The following ALG13 variants were observed in gnomAD, a reference collection of about 807,000 sequenced individuals.
ALG13 encodes the protein ALG13 UDP-N-acetylglucosaminyltransferase subunit.
In ALG13, 11 loss-of-function variants were observed where a neutral mutation model predicts 87.8. The observed-to-expected ratio is 0.13, with a 90% CI of 0.08 to 0.21. The LOEUF is 0.21. Ranked by LOEUF, ALG13 falls within the 10% of genes least tolerant of loss-of-function variation. The pLI, the probability that ALG13 is intolerant of heterozygous loss-of-function variation, is 1.00. For missense variants in ALG13, 756 were observed against 866.1 expected (o/e 0.87, Z 1.60); for synonymous variants, 320 against 306.3 (o/e 1.04, Z -0.47).
At chrX:111,725,083 A>G in intron 15 of ALG13, 22 bp downstream of exon 15, 3 of 1,205,858 alleles carry the variant, frequency 2.5e-6, no homozygotes, top group Non-Finnish European at 3.4e-6. Context: ...AAAGGTTGTT[A>G]TTTTGTTTTT....
At chrX:111,696,873 C>T (rs1468399828) in intron 3 of ALG13, among the ~76,000 whole-genome samples, 1 of 109,895 alleles carries the variant, frequency 9.1e-6, no homozygotes, top group African/African-American at 3.3e-5. Context: ...TTCCATTATA[C>T]TTAGATGTCA....
At chrX:111,751,478 T>C (rs760437692) in intron 24 of ALG13, among the ~76,000 whole-genome samples, 1 of 112,061 alleles carries the variant, frequency 8.9e-6, no homozygotes, top group East Asian at 2.8e-4. Flanking sequence ...AGCCATGATA[T>C]CTCCAAAGTA....
At chrX:111,716,095 A>G (rs1352168075) in intron 8 of ALG13, among the ~76,000 whole-genome samples, 2 of 112,294 alleles carry the variant, frequency 1.8e-5, no homozygotes, top group African/African-American at 6.5e-5. Flanking sequence ...ACTATTAAGT[A>G]TTGGTGAGTA....
intron 19 of ALG13, among the ~76,000 whole-genome samples, chrX:111,729,869 G>A (rs1207250301): frequency 9.0e-6 from 1 of 111,674 alleles, no homozygotes. Context: ...AGGAAACAGT[G>A]GATTATACTC....
At chrX:111,734,759 A>C (rs1339480354) in intron 21 of ALG13, among the ~76,000 whole-genome samples, 1 of 111,304 alleles carries the variant, frequency 9.0e-6, no homozygotes, top group Admixed American at 9.6e-5. Context: ...TGGTGCTTCA[A>C]GCTTTTAAGG....
intron 3 of ALG13, among the ~76,000 whole-genome samples, chrX:111,702,883 G>C (rs1327202766): frequency 9.2e-6 from 1 of 108,652 alleles, no homozygotes; most frequent in African/African-American, 3.4e-5. Context: ...TCTTTCATTT[G>C]ATAGCTTGCA....
chrX:111,708,750 TAAG>T (rs1939212159), intron 4 of ALG13, among the ~76,000 whole-genome samples: 1 of 111,766 alleles, frequency 8.9e-6, no homozygotes, highest in Non-Finnish European at 1.9e-5. Flanking sequence ...GCTGTGCACA[TAAG>T]GAGTAGAAAA....
intron 11 of ALG13, among the ~76,000 whole-genome samples, chrX:111,720,666 C>G (rs1479287028): frequency 6.3e-5 from 7 of 110,980 alleles, no homozygotes; most frequent in Non-Finnish European, 9.5e-5. Flanking sequence ...ACCTGAGGTG[C>G]TTATAATTTT....
chrX:111,758,267 C>T (rs1945443943), intron 26 of ALG13, among the ~76,000 whole-genome samples: 1 of 111,757 alleles, frequency 8.9e-6, no homozygotes, highest in South Asian at 3.7e-4. Flanking sequence ...AGGAAAAAGA[C>T]TTGTGCTATT....
At position 111,718,241 on chromosome X, in the gene ALG13, C is replaced by T. The variant is rs1057522541; in HGVS notation, c.1217C>T (p.Ala406Val). Residue 406 changes from alanine (A) to valine (V), a missense_variant, in exon 10 of 27, where the codon GCC (alanine) becomes GTC (valine). Around this residue, in one of 9 missense-constraint regions of ALG13, gnomAD observed 48 missense variants for 50.5 expected, o/e 0.95. Transcript: ENST00000394780. ...RNNAVTGSED[A>V]HTDYKSSNQN... ...AATGCTGTAACTGGAAGCGAGGATGCCCATACTGATTACAAGAGTTCAAAT... is the reference window on the plus strand; with the variant it reads ...AATGCTGTAACTGGAAGCGAGGATGTCCATACTGATTACAAGAGTTCAAAT... 3 of 1,192,332 alleles carry T rather than the reference C, an allele frequency of 2.5e-6. No individual in the cohort carries two copies. The Admixed American group carries it at 6.9e-5, about 27-fold the overall frequency.
At position 111,735,054 on chromosome X, in the gene ALG13, C is replaced by A; in HGVS notation, c.2461C>A (p.Leu821Ile). 8.6e-7 allele frequency: 1 copy of A among 1,164,551 alleles called. No homozygotes were observed. Among genetic ancestry groups the A allele is most frequent in the South Asian group, 1.9e-5 (1 of 54,038 alleles). The change falls in exon 22 of 27, where the codon CTT (leucine) becomes ATT (isoleucine). Residue 821 changes from leucine (L) to isoleucine (I), a missense_variant. By Grantham distance (5) the Leu-to-Ile change is conservative (BLOSUM62 2). Around this residue, in one of 9 missense-constraint regions of ALG13, gnomAD observed 362 missense variants for 383.5 expected, o/e 0.94. Transcript: ENST00000394780. ...TAACTATATTTTTGTATTAAAGTCT[C>A]TTCAGGACAGAAAGTCATGTTCTAT... ...STTASTANLSLQDRKSCSMSP... is the reference protein window; with the variant it reads ...STTASTANLSIQDRKSCSMSP...
At chrX:111,757,894 T>A in intron 26 of ALG13, 132 bp downstream of exon 26, 2 of 599,088 alleles carry the variant, frequency 3.3e-6, no homozygotes, top group Non-Finnish European at 5.1e-6. Context: ...TATGTGGACC[T>A]CTTGTGGTCC....
At chrX:111,699,894 A>C (rs1478126049) in intron 3 of ALG13, among the ~76,000 whole-genome samples, 1 of 103,977 alleles carries the variant, frequency 9.6e-6, no homozygotes, top group African/African-American at 3.5e-5. Context: ...AAATTTAAGG[A>C]TTTTTTTTTT....
intron 3 of ALG13, 64 bp downstream of exon 3, chrX:111,685,167 C>T: frequency 9.1e-7 from 1 of 1,103,787 alleles, no homozygotes; most frequent in Non-Finnish European, 1.2e-6. Flanking sequence ...TCCTCTTATC[C>T]ACCTACCTAA....
rs1265029329 is a variant in ALG13 at position 111,760,565 on chromosome X, T to C, written c.*566T>C. ...ATGCTATTGTTTAATACTGGATGTA[T>C]GTAAGTGTTTTACTGCACTGTATTG... On this transcript the variant is annotated 3_prime_UTR_variant, in exon 27 of 27. Coordinates refer to ENST00000394780, the MANE Select transcript of ALG13 (RefSeq NM_001099922.3). 1 of 113,448 alleles carries C rather than the reference T, an allele frequency of 8.8e-6. No individual in the cohort carries two copies. The highest frequency in any genetic ancestry group is 1.9e-5 in the Non-Finnish European group (1 of 53,749). 9.3% of individuals were successfully genotyped at this position (113,448 alleles called of 1,213,427 possible).
At chrX:111,708,524 T>A in intron 4 of ALG13, 131 bp downstream of exon 4, 1 of 794,026 alleles carries the variant, frequency 1.3e-6, no homozygotes, top group Non-Finnish European at 1.8e-6. Context: ...GTCAAGGTCC[T>A]AGAGAGAAGC....
intron 3 of ALG13, among the ~76,000 whole-genome samples, chrX:111,700,575 G>GT (rs915088280): frequency 3.5e-3 from 349 of 98,844 alleles, no homozygotes; most frequent in South Asian, 8.4e-3. Context: ...GTTTTTTTTT[G>GT]TTTTTTTTTG....
At chrX:111,715,286 T>C (rs1406390174) in intron 8 of ALG13, among the ~76,000 whole-genome samples, 1 of 112,095 alleles carries the variant, frequency 8.9e-6, no homozygotes, top group Non-Finnish European at 1.9e-5. Context: ...TATATATGTC[T>C]GATTTGGGAA....
intron 3 of ALG13, chrX:111,685,319 G>A (rs1347940116): frequency 2.8e-6 from 1 of 362,486 alleles, no homozygotes; most frequent in African/African-American, 2.7e-5. Flanking sequence ...CTGTTTCTTT[G>A]CATATGTGAA....
Sources: allele counts gnomAD v4.1 joint callset (sites outside exome capture counted in the v4.1 genomes callset), GRCh38; gene constraint gnomAD v4.1.1; regional missense constraint gnomAD v4.1.1; transcripts MANE v1.5; gene names NCBI Gene and HGNC (gene_info 2026-07-23, HGNC 2026-07-21).